ZNF714: variants seen among roughly 807,000 people sequenced by gnomAD.
ZNF714 encodes zinc finger protein 714.
Under a neutral mutation model 46.2 loss-of-function variants are expected in ZNF714, and 32 were observed. That is an observed-to-expected ratio of 0.69 (90% CI 0.52 to 0.93). The LOEUF (loss-of-function observed/expected upper bound fraction) is 0.93. ZNF714 is among the 40% of genes least tolerant of loss of function. ZNF714 has a pLI of 0.00. For missense variants in ZNF714, 635 were observed against 646.3 expected, an observed-to-expected ratio of 0.98 and a Z score of 0.19; for synonymous variants, 199 against 213.1, an observed-to-expected ratio of 0.93 and a Z score of 0.58.
intron 2 of ZNF714, among the ~76,000 whole-genome samples, chr19:21,088,364 A>G (rs1968833584): frequency 6.6e-6 from 1 of 152,112 alleles, no homozygotes; most frequent in Admixed American, 6.5e-5. Context: ...TCTTTTCTTT[A>G]TAACCTTTGT....
chr19:21,099,402 A>C (rs1319137126), intron 4 of ZNF714, among the ~76,000 whole-genome samples: 3 of 151,694 alleles, frequency 2.0e-5, no homozygotes, highest in Non-Finnish European at 4.4e-5. Flanking sequence ...CTGGTCTTGT[A>C]CTCCTGTCCT....
Position 21,098,225 on chromosome 19 carries a change from T to C in ZNF714, c.-44T>C. ...AGGGATGTGGCCATAGAATTCTCTC[T>C]GGAGGAGTGGGAATGCCTGAACCCT... On this transcript the variant is annotated 5_prime_UTR_variant, in exon 3 of 5. Transcript: ENST00000456283. 1 of 1,612,910 alleles carries C rather than the reference T, an allele frequency of 6.2e-7. No individual in the cohort carries two copies. Among genetic ancestry groups the C allele is most frequent in the Non-Finnish European group, 8.5e-7 (1 of 1,179,786 alleles).
At chr19:21,113,814 G>A (rs1599552815) in intron 4 of ZNF714, among the ~76,000 whole-genome samples, 1 of 152,074 alleles carries the variant, frequency 6.6e-6, no homozygotes, top group Middle Eastern at 3.4e-3. Context: ...CCAGCCATAT[G>A]ATCAATTTTA....
intron 4 of ZNF714, among the ~76,000 whole-genome samples, chr19:21,105,657 A>G (rs1969292933): frequency 6.6e-6 from 1 of 151,650 alleles, no homozygotes; most frequent in Admixed American, 6.6e-5. Context: ...TAAGCATTTT[A>G]TTTGAAATAT....
chr19:21,108,282 G>A (rs1969368750), intron 4 of ZNF714, among the ~76,000 whole-genome samples: 1 of 152,168 alleles, frequency 6.6e-6, no homozygotes. Flanking sequence ...AATACATCAG[G>A]TGCAAATAAG....
At chr19:21,096,325 G>GA (rs1223910331) in intron 2 of ZNF714, among the ~76,000 whole-genome samples, 39 of 152,178 alleles carry the variant, frequency 2.6e-4, no homozygotes, top group Non-Finnish European at 5.1e-4. Flanking sequence ...GCCTTTAAGG[G>GA]ACTTGTCTCA....
rs142988377 is a variant in ZNF714 at position 21,086,635 on chromosome 19, G to A, written c.-85+2566G>A. ...TTCTTTACTGCAACCTGTTTTATCC[G>A]CAAGGTCTTTAAAACTTGTATCTTT... On this transcript the variant is annotated intron_variant, in intron 2 of 4. Coordinates refer to ENST00000456283, the MANE Select transcript of ZNF714 (RefSeq NM_182515.4). Among the ~76,000 whole-genome samples the A allele has an allele frequency of 1.7e-4, 26 of 152,148 alleles. No individual in the cohort carries two copies. The East Asian group carries it at 2.1e-3, about 12-fold the overall frequency.
intron 1 of ZNF714, 80 bp from the exon 2 acceptor site, chr19:21,083,898 G>T: frequency 1.4e-6 from 1 of 715,736 alleles, no homozygotes. Context: ...ACTGTCTGGG[G>T]ATCAACCAAG....
chr19:21,095,105 G>A (rs546476054), intron 2 of ZNF714, among the ~76,000 whole-genome samples: 1 of 152,080 alleles, frequency 6.6e-6, no homozygotes, highest in Non-Finnish European at 1.5e-5. Flanking sequence ...TATGTTGTCT[G>A]TTTACTCCAT....
chr19:21,102,135 C>T (rs1969196204), intron 4 of ZNF714, among the ~76,000 whole-genome samples: 1 of 152,092 alleles, frequency 6.6e-6, no homozygotes, highest in African/African-American at 2.4e-5. Context: ...GACTGAAAAA[C>T]TTTTTTGCTG....
At chr19:21,083,550 C>T (rs1328348094) in intron 1 of ZNF714, among the ~76,000 whole-genome samples, 1 of 152,190 alleles carries the variant, frequency 6.6e-6, no homozygotes, top group Non-Finnish European at 1.5e-5. Context: ...TCCTGGCATT[C>T]CCTAATGCCA....
At chr19:21,111,140 T>G (rs1021714533) in intron 4 of ZNF714, among the ~76,000 whole-genome samples, 3 of 152,188 alleles carry the variant, frequency 2.0e-5, no homozygotes, top group African/African-American at 7.2e-5. Context: ...TCAGTAGTAG[T>G]TTAGTCAGAA....
chr19:21,086,801 T>A (rs977482470), intron 2 of ZNF714, among the ~76,000 whole-genome samples: 3 of 152,106 alleles, frequency 2.0e-5, no homozygotes, highest in African/African-American at 4.8e-5. Flanking sequence ...ATCTCCCCCT[T>A]CTTTTTAACA....
intron 4 of ZNF714, among the ~76,000 whole-genome samples, chr19:21,107,339 A>G (rs1292549943): frequency 3.3e-5 from 5 of 152,010 alleles, no homozygotes; most frequent in African/African-American, 1.2e-4. Context: ...TCCCGGGTTC[A>G]AGCAATTCTC....
Position 21,084,047 on chromosome 19 carries a change from TA to T in ZNF714, c.-106del. 1 of 1,200,750 alleles carries T rather than the reference TA, an allele frequency of 8.3e-7. No individual in the cohort carries two copies. The highest frequency in any genetic ancestry group is 3.5e-5 in the Admixed American group (1 of 28,570). 74.4% of individuals were successfully genotyped at this position (1,200,750 alleles called of 1,614,324 possible). On this transcript the variant is annotated 5_prime_UTR_variant, in exon 2 of 5. The change abolishes the stop of an existing upstream ORF in the 5' untranslated region. Coordinates refer to ENST00000456283, the MANE Select transcript of ZNF714 (RefSeq NM_182515.4). Reference sequence around the variant, plus strand: ...ATCCCTGGGGCAGAGAGGAAGCTTCTAGTGTACTCTTACTTTGAAAAGGTAA... The same window carrying T: ...ATCCCTGGGGCAGAGAGGAAGCTTCTGTGTACTCTTACTTTGAAAAGGTAA...
Position 21,122,334 on chromosome 19 carries a change from T to C in ZNF714, c.*4002T>C, listed in dbSNP as rs537933897. The stretch of plus-strand genomic sequence containing the variant: ...TTCTTCATATGGAGTGGACATTTTT[T>C]CCAGACTATAAAACTGAATCTTGCT... On this transcript the variant is annotated 3_prime_UTR_variant, in exon 5 of 5. Coordinates refer to ENST00000456283, the MANE Select transcript of ZNF714 (RefSeq NM_182515.4). 1.3e-5 allele frequency: 2 copies of C among 152,324 alleles called. No homozygotes were observed. The highest frequency in any genetic ancestry group is 3.9e-4 in the East Asian group (2 of 5,190). 9.4% of individuals were successfully genotyped at this position (152,324 alleles called of 1,614,324 possible).
At chr19:21,115,454 C>A (rs1451314087) in intron 4 of ZNF714, among the ~76,000 whole-genome samples, 1 of 151,894 alleles carries the variant, frequency 6.6e-6, no homozygotes, top group African/African-American at 2.4e-5. Context: ...ATGTTTAGGG[C>A]ATATGAAGTG....
rs1568283253 is a variant in ZNF714 at position 21,117,868 on chromosome 19, TGTGGCAAAGCTTTTAACCAATCC to T, written c.1205_1227del (p.Cys402PhefsTer7). The T allele has an allele frequency of 6.2e-7, 1 of 1,613,012 alleles. No individual in the cohort carries two copies. The highest frequency in any genetic ancestry group is 1.1e-5 in the South Asian group (1 of 91,052). ...AGAGAAACCTTACAAATGTGAAGAA[TGTGGCAAAGCTTTTAACCAATCC>T]TCAAACCTTACCAAACATAAGATAA... On this transcript the variant is annotated frameshift_variant, in exon 5 of 5. Coordinates refer to ENST00000456283, the MANE Select transcript of ZNF714 (RefSeq NM_182515.4). LOFTEE classifies it high-confidence loss of function.
At chr19:21,083,482 G>T (rs1256374823) in intron 1 of ZNF714, among the ~76,000 whole-genome samples, 2 of 151,870 alleles carry the variant, frequency 1.3e-5, no homozygotes, top group Admixed American at 1.3e-4. Context: ...CTAACCTCCC[G>T]TCCCCCATAT....
Sources: allele counts gnomAD v4.1 joint callset (sites outside exome capture counted in the v4.1 genomes callset), GRCh38; gene constraint gnomAD v4.1.1; transcripts MANE v1.5; gene names NCBI Gene and HGNC (gene_info 2026-07-23, HGNC 2026-07-21).